The following RNF144B variants were observed in gnomAD, a reference collection of about 807,000 sequenced individuals.
RNF144B encodes the protein ring finger protein 144B, also known as E3 ubiquitin-protein ligase RNF144B.
In RNF144B, 25 loss-of-function variants were observed where a neutral mutation model predicts 40.2. The observed-to-expected ratio is 0.62, with a 90% CI of 0.45 to 0.87. The LOEUF (loss-of-function observed/expected upper bound fraction) is 0.87, where lower values mean the gene tolerates loss of function less well. Ranked by LOEUF, RNF144B falls within the 40% of genes least tolerant of loss-of-function variation. The probability of loss-of-function intolerance (pLI) is 0.00; values close to 1 mark genes in which losing one functional copy is unlikely to be tolerated. For missense variants in RNF144B, 365 were observed against 373.7 expected (o/e 0.98, Z 0.19); for synonymous variants, 145 against 136.3 (o/e 1.06, Z -0.44).
chr6:18,410,437 A>T lies in RNF144B; in HGVS notation c.165+10738A>T, dbSNP rs1435185200. ...CCACCTAAAATAGACTCAGGGAGGT[A>T]GGAGGTTTCCTAAGGGCTGAGACTG... On this transcript the variant is annotated intron_variant, in intron 2 of 7. Transcript: ENST00000259939. The surrounding 1 kb of genome is among the most constrained non-coding windows in gnomAD (Gnocchi z 4.6). Among the ~76,000 whole-genome samples the T allele has an allele frequency of 6.6e-6, 1 of 152,194 alleles. No individual in the cohort carries two copies. The highest frequency in any genetic ancestry group is 6.5e-5 in the Admixed American group (1 of 15,272).
rs1009285221 is a variant in RNF144B at position 18,442,582 on chromosome 6, C to T, written c.331+2838C>T. Among the ~76,000 whole-genome samples the T allele has an allele frequency of 3.3e-5, 5 of 152,124 alleles. No individual in the cohort carries two copies. Among genetic ancestry groups the T allele is most frequent in the African/African-American group, 1.2e-4 (5 of 41,436 alleles). Reference sequence around the variant, plus strand: ...CCTAACATAAAAGTTGCCATTTAAACCATTTTTAGATGTGCAATTCAGTGA... The same window carrying T: ...CCTAACATAAAAGTTGCCATTTAAATCATTTTTAGATGTGCAATTCAGTGA... On this transcript the variant is annotated intron_variant, in intron 4 of 7. Transcript: ENST00000259939. This position sits in a 1 kb window ranked among gnomAD's most constrained non-coding sequence, Gnocchi z 4.3.
chr6:18,429,610 A>T lies in RNF144B; in HGVS notation c.270+1925A>T, dbSNP rs781157667. Among the ~76,000 whole-genome samples the T allele has an allele frequency of 4.6e-5, 7 of 152,176 alleles. 1 individual carries two copies. Among genetic ancestry groups the T allele is most frequent in the Admixed American group, 6.5e-5 (1 of 15,270 alleles). ...TCGAGTATGTAAACCCTGTGGAGAG[A>T]TATATTATTGACTTTTGTAGGGTAA... is the stretch of plus-strand genomic sequence containing the variant. On this transcript the variant is annotated intron_variant, in intron 3 of 7. Transcript: ENST00000259939.
At chr6:18,445,917 G>A (rs936239001) in intron 4 of RNF144B, among the ~76,000 whole-genome samples, 4 of 152,302 alleles carry the variant, frequency 2.6e-5, no homozygotes, top group South Asian at 2.1e-4. Context: ...AAGCCAGGAG[G>A]TAGAATTGAA....
chr6:18,433,672 A>G (rs1359026476), intron 3 of RNF144B, among the ~76,000 whole-genome samples: 1 of 152,208 alleles, frequency 6.6e-6, no homozygotes, highest in African/African-American at 2.4e-5. Flanking sequence ...TCTACAGTGG[A>G]CTGCGAAGAT....
In RNF144B at chr6:18,418,012, G is replaced by C. The variant is rs1346675133; in HGVS notation, c.166-9569G>C. 6.6e-6 allele frequency among the ~76,000 whole-genome samples: 1 copy of C among 152,028 alleles called. No individual in the cohort carries two copies. The highest frequency in any genetic ancestry group is 1.5e-5 in the Non-Finnish European group (1 of 67,976). On this transcript the variant is annotated intron_variant, in intron 2 of 7. Coordinates refer to ENST00000259939, the MANE Select transcript of RNF144B (RefSeq NM_182757.4). This position sits in a 1 kb window ranked among gnomAD's most constrained non-coding sequence, Gnocchi z 5.2. ...GATGCTCAAAATCACTAGCCAACAG[G>C]GCAATGCAAATCGAAACCACAATGA...
intron 1 of RNF144B, among the ~76,000 whole-genome samples, chr6:18,394,575 A>G (rs1794654609): frequency 6.6e-6 from 1 of 151,522 alleles, no homozygotes; most frequent in South Asian, 2.1e-4. Flanking sequence ...TCTAGCGTGG[A>G]TGACAGAGTG....
chr6:18,453,029 G>T (rs12213983), intron 4 of RNF144B, among the ~76,000 whole-genome samples: 19,010 of 151,680 alleles, frequency 0.13, 1,365 homozygotes, highest in Admixed American at 0.19. Flanking sequence ...TAATGTGATA[G>T]GCCAGCCTTG....
At chr6:18,439,496 G>T (rs1223037911) in intron 3 of RNF144B, among the ~76,000 whole-genome samples, 188 bp from the exon 4 acceptor site, 1 of 152,178 alleles carries the variant, frequency 6.6e-6, no homozygotes, top group African/African-American at 2.4e-5. Context: ...AGCTATGGTG[G>T]TGGAGTGGGG....
At position 18,396,561 on chromosome 6, in the gene RNF144B, G is replaced by T. The variant is rs544824290; in HGVS notation, c.-36-2938G>T. 2.4e-5 allele frequency: 24 copies of T among 985,390 alleles called. No homozygotes were observed. In the African/African-American group the frequency reaches 4.0e-4, roughly 16 times the overall value. The allele number at this position is 985,390 out of a possible 1,614,324, so 61.0% of individuals were successfully genotyped here. On this transcript the variant is annotated intron_variant, in intron 1 of 7. Coordinates refer to ENST00000259939, the MANE Select transcript of RNF144B (RefSeq NM_182757.4). ...GTATTTGACATTTGGGGTGTGGGATGGTTCTGGCCTGTGTCATTACCCTTT... is the reference window on the plus strand; with the variant it reads ...GTATTTGACATTTGGGGTGTGGGATTGTTCTGGCCTGTGTCATTACCCTTT...
intron 2 of RNF144B, among the ~76,000 whole-genome samples, chr6:18,415,026 C>G (rs538611546): frequency 6.6e-6 from 1 of 152,146 alleles, no homozygotes; most frequent in East Asian, 1.9e-4. Flanking sequence ...TGCATGTAAC[C>G]TATGTACATC....
At chr6:18,403,587 T>C (rs1224025812) in intron 2 of RNF144B, among the ~76,000 whole-genome samples, 1 of 152,206 alleles carries the variant, frequency 6.6e-6, no homozygotes, top group East Asian at 1.9e-4. Context: ...TGAGAGGAAA[T>C]ATAAAACATT....
At chr6:18,423,042 G>A (rs947641378) in intron 2 of RNF144B, among the ~76,000 whole-genome samples, 5 of 151,912 alleles carry the variant, frequency 3.3e-5, no homozygotes, top group African/African-American at 1.2e-4. Flanking sequence ...CCCTCATGAA[G>A]CTTTTCTAAG....
chr6:18,404,198 T>C (rs1287123126), intron 2 of RNF144B, among the ~76,000 whole-genome samples: 1 of 152,244 alleles, frequency 6.6e-6, no homozygotes, highest in African/African-American at 2.4e-5. Context: ...GTGGTGGATC[T>C]TTCCTGGGTT....
chr6:18,396,429 G>C, intron 1 of RNF144B: 1 of 981,406 alleles, frequency 1.0e-6, no homozygotes, highest in Non-Finnish European at 1.2e-6. Flanking sequence ...AAATAATATA[G>C]AGTAAGACTG....
In RNF144B at chr6:18,404,481, C is replaced by T. The variant is rs143869242; in HGVS notation, c.165+4782C>T. Among the ~76,000 whole-genome samples, 616 of 152,258 alleles carry T rather than the reference C, an allele frequency of 4.0e-3. 1 individual carries two copies. Among genetic ancestry groups the T allele is most frequent in the Non-Finnish European group, 7.0e-3 (477 of 68,022 alleles). ...GATCCATCAGTGTGCTGAGCTGTTA[C>T]GTTCTTCAAAAAGATTTCAGAGAAA... On this transcript the variant is annotated intron_variant, in intron 2 of 7. Transcript: ENST00000259939.
rs892265711 is a variant in RNF144B at position 18,441,292 on chromosome 6, C to A, written c.331+1548C>A. 5.9e-5 allele frequency among the ~76,000 whole-genome samples: 9 copies of A among 152,138 alleles called. No individual in the cohort carries two copies. Among genetic ancestry groups the A allele is most frequent in the African/African-American group, 1.9e-4 (8 of 41,438 alleles). On this transcript the variant is annotated intron_variant, in intron 4 of 7. Coordinates refer to ENST00000259939, the MANE Select transcript of RNF144B (RefSeq NM_182757.4). The surrounding 1 kb of genome is among the most constrained non-coding windows in gnomAD (Gnocchi z 4.9). ...CACCCTGTGGATGCCTGGCTGGTAG[C>A]AAGTACCATGATTTGAGTGCTTTTA...
rs1759116582 is a variant in RNF144B, at chr6:18,447,845, G to C, written c.331+8101G>C. Among the ~76,000 whole-genome samples the C allele has an allele frequency of 6.6e-6, 1 of 152,136 alleles. No homozygotes were observed. The highest frequency in any genetic ancestry group is 2.4e-5 in the African/African-American group (1 of 41,420). On this transcript the variant is annotated intron_variant, in intron 4 of 7. Transcript: ENST00000259939. The surrounding 1 kb of genome is among the most constrained non-coding windows in gnomAD (Gnocchi z 5.6). Reference sequence around the variant, plus strand: ...GAAGCAGTTTCAGGACTGAGCCCTGGGACACTATAGGTTTTAGAAGAGGTG... The same window carrying C: ...GAAGCAGTTTCAGGACTGAGCCCTGCGACACTATAGGTTTTAGAAGAGGTG...
chr6:18,462,228 C>T (rs748393964), intron 6 of RNF144B, among the ~76,000 whole-genome samples: 1 of 152,186 alleles, frequency 6.6e-6, no homozygotes, highest in Non-Finnish European at 1.5e-5. Flanking sequence ...CCAAATACTG[C>T]AATGTGTTCG....
At chr6:18,428,904 T>G (rs1238528477) in intron 3 of RNF144B, among the ~76,000 whole-genome samples, 1 of 152,062 alleles carries the variant, frequency 6.6e-6, no homozygotes, top group Non-Finnish European at 1.5e-5. Context: ...TGAGTAGAAT[T>G]AGGTTGGCCA....
Sources: allele counts gnomAD v4.1 joint callset (sites outside exome capture counted in the v4.1 genomes callset), GRCh38; gene constraint gnomAD v4.1.1; non-coding constraint Gnocchi (gnomAD v3.1); transcripts MANE v1.5; gene names NCBI Gene and HGNC (gene_info 2026-07-23, HGNC 2026-07-21).